The following GAS7 variants were observed in gnomAD, a reference collection of about 807,000 sequenced individuals.
The protein encoded by GAS7 is growth arrest specific 7, also known as growth arrest-specific protein 7.
GAS7 carries 28 observed loss-of-function variants against 71.1 expected under a neutral mutation model. The ratio of observed to expected loss-of-function variants is 0.39; its 90% confidence interval spans 0.29 to 0.54. GAS7 has a LOEUF of 0.54. GAS7 is among the 20% of genes least tolerant of loss of function. The pLI, the probability that GAS7 is intolerant of heterozygous loss-of-function variation, is 0.62. For missense variants in GAS7, 436 were observed against 627.8 expected (o/e 0.69, Z 3.27); for synonymous variants, 258 against 245.8 (o/e 1.05, Z -0.46).
At chr17:10,168,761 A>T (rs1233238671) in intron 1 of GAS7, among the ~76,000 whole-genome samples, 1 of 152,104 alleles carries the variant, frequency 6.6e-6, no homozygotes, top group African/African-American at 2.4e-5. Context: ...TCACAAGGTC[A>T]GGAGTTTGAG....
At chr17:10,148,164 C>T (rs2074135509) in intron 1 of GAS7, among the ~76,000 whole-genome samples, 2 of 152,144 alleles carry the variant, frequency 1.3e-5, no homozygotes, top group African/African-American at 4.8e-5. Context: ...AAAAAAAGAA[C>T]ACAGTTTTTT....
chr17:10,164,881 G>C (rs1016497936), intron 1 of GAS7, among the ~76,000 whole-genome samples: 56 of 150,952 alleles, frequency 3.7e-4, no homozygotes, highest in African/African-American at 1.1e-3. Flanking sequence ...GGGCGCAGTG[G>C]CTCACGCCTG....
intron 1 of GAS7, among the ~76,000 whole-genome samples, chr17:10,171,862 G>A (rs1221443690): frequency 1.3e-5 from 2 of 152,132 alleles, no homozygotes; most frequent in African/African-American, 2.4e-5. Context: ...CTCTGTAACC[G>A]CTATAGGACT....
chr17:9,942,555 T>G (rs1174159051), intron 7 of GAS7, among the ~76,000 whole-genome samples: 6 of 152,160 alleles, frequency 3.9e-5, no homozygotes, highest in African/African-American at 1.4e-4. Flanking sequence ...GTTATAATCC[T>G]TGAGGCAGGG....
chr17:10,152,280 A>G (rs1396186809), intron 1 of GAS7, among the ~76,000 whole-genome samples: 5 of 152,220 alleles, frequency 3.3e-5, no homozygotes, highest in African/African-American at 1.2e-4. Context: ...AGGCAGATCA[A>G]AACAGAAGCT....
chr17:10,050,796 A>T (rs796157954), intron 1 of GAS7, among the ~76,000 whole-genome samples: 4 of 152,114 alleles, frequency 2.6e-5, no homozygotes, highest in African/African-American at 9.6e-5. Context: ...CTTCTGCCTA[A>T]TTTTTTTTCC....
intron 1 of GAS7, among the ~76,000 whole-genome samples, chr17:10,121,779 C>T (rs570991924): frequency 2.0e-4 from 30 of 152,124 alleles, no homozygotes; most frequent in Non-Finnish European, 4.0e-4. Context: ...CTTCCCTGTA[C>T]CCCGTCAACC....
intron 1 of GAS7, among the ~76,000 whole-genome samples, chr17:10,028,050 A>AT: frequency 6.6e-6 from 1 of 152,102 alleles, no homozygotes; most frequent in East Asian, 1.9e-4. Context: ...CACCCAGCTA[A>AT]TTTTTGTATT....
At chr17:10,113,196 C>T (rs1017559077) in intron 1 of GAS7, among the ~76,000 whole-genome samples, 2 of 152,120 alleles carry the variant, frequency 1.3e-5, no homozygotes, top group East Asian at 1.9e-4. Context: ...ACGATGCTGG[C>T]AAGGCTATGG....
At position 10,172,998 on chromosome 17, in the gene GAS7, T is replaced by G. The variant is rs573537862; in HGVS notation, c.183+25210A>C. Among the ~76,000 whole-genome samples, 6 of 152,278 alleles carry G rather than the reference T, an allele frequency of 3.9e-5. No homozygotes were observed. The South Asian group carries it at 1.2e-3, about 32-fold the overall frequency. ...CATGCAATGGAGTATTATTCAGTCA[T>G]GAAAAGCAATGAAGTACTGATACAC... On this transcript the variant is annotated intron_variant, in intron 1 of 13. Coordinates refer to ENST00000432992, the MANE Select transcript of GAS7 (RefSeq NM_201433.2).
At chr17:10,169,292 T>C (rs1416555903) in intron 1 of GAS7, among the ~76,000 whole-genome samples, 1 of 152,100 alleles carries the variant, frequency 6.6e-6, no homozygotes, top group African/African-American at 2.4e-5. Flanking sequence ...TTAATAATTT[T>C]AAAAGTTCAC....
At chr17:10,177,237 G>A (rs57481037) in intron 1 of GAS7, among the ~76,000 whole-genome samples, 28,427 of 152,032 alleles carry the variant, frequency 0.19, 2,841 homozygotes, top group Middle Eastern at 0.28. Context: ...TCATTCCCTC[G>A]ACAGGGATGA....
chr17:9,939,327 C>T (rs563163105), intron 8 of GAS7, among the ~76,000 whole-genome samples: 2 of 152,244 alleles, frequency 1.3e-5, no homozygotes, highest in East Asian at 3.9e-4. Flanking sequence ...TTGGGTTAAG[C>T]TTCTCCCAGC....
At chr17:10,069,543 A>G (rs1040783243) in intron 1 of GAS7, among the ~76,000 whole-genome samples, 1 of 152,174 alleles carries the variant, frequency 6.6e-6, no homozygotes, top group African/African-American at 2.4e-5. Flanking sequence ...ATTTAATATT[A>G]ATGTTTTATG....
chr17:9,932,410 G>A (rs2068242328), intron 9 of GAS7, among the ~76,000 whole-genome samples: 1 of 152,104 alleles, frequency 6.6e-6, no homozygotes, highest in South Asian at 2.1e-4. Flanking sequence ...GGCCAGGATG[G>A]TCTCGATCTC....
intron 3 of GAS7, among the ~76,000 whole-genome samples, chr17:9,977,483 A>G (rs932368682): frequency 6.6e-6 from 1 of 152,220 alleles, no homozygotes; most frequent in African/African-American, 2.4e-5. Context: ...CGTTAAGCCC[A>G]GCCCAAAGAG....
intron 1 of GAS7, among the ~76,000 whole-genome samples, chr17:10,072,341 G>A (rs530194142): frequency 7.2e-5 from 11 of 152,288 alleles, no homozygotes; most frequent in African/African-American, 2.6e-4. Flanking sequence ...CCAGGCCCCT[G>A]CTGGCAGCCC....
intron 1 of GAS7, among the ~76,000 whole-genome samples, chr17:10,150,128 A>C (rs1003475731): frequency 1.3e-5 from 2 of 152,192 alleles, no homozygotes; most frequent in Non-Finnish European, 2.9e-5. Context: ...CTCAATAAAG[A>C]AAAAAATATT....
intron 1 of GAS7, among the ~76,000 whole-genome samples, chr17:10,120,802 G>A (rs1366848987): frequency 1.3e-5 from 2 of 152,206 alleles, no homozygotes; most frequent in African/African-American, 2.4e-5. Flanking sequence ...AGCTTCCCAC[G>A]TGGGCAGCCG....
Sources: gnomAD v4.1 joint callset for allele counts (sites outside exome capture counted in the v4.1 genomes callset) on GRCh38, gnomAD v4.1.1 for gene constraint, MANE v1.5 for transcripts, NCBI Gene and HGNC (gene_info 2026-07-23, HGNC 2026-07-21) for gene names.